Variants in APP observed in about 807,000 individuals in gnomAD.
The protein encoded by APP is amyloid-beta precursor protein.
A neutral mutation model predicts 101.4 loss-of-function variants in APP; 31 were observed. The ratio of observed to expected loss-of-function variants is 0.31; its 90% CI spans 0.23 to 0.41. The LOEUF (loss-of-function observed/expected upper bound fraction) is 0.41. Ranked by LOEUF, APP falls within the 10% of genes least tolerant of loss-of-function variation. The probability of loss-of-function intolerance (pLI) is 1.00; values close to 1 mark genes in which losing one functional copy is unlikely to be tolerated. For missense variants in APP, 839 were observed against 1,003.7 expected, an observed-to-expected ratio of 0.84 and a Z score of 2.22; for synonymous variants, 366 against 364.4, an observed-to-expected ratio of 1.00 and a Z score of -0.05.
At chr21:26,107,682 T>A (rs1248942227) in intron 2 of APP, among the ~76,000 whole-genome samples, 1 of 152,198 alleles carries the variant, frequency 6.6e-6, no homozygotes, top group African/African-American at 2.4e-5. Context: ...TGTCACTGAG[T>A]GGGTAAAATG....
chr21:26,059,308 C>T (rs575978838), intron 3 of APP, among the ~76,000 whole-genome samples: 1 of 152,232 alleles, frequency 6.6e-6, no homozygotes, highest in South Asian at 2.1e-4. Context: ...GCCAAAAATG[C>T]CTGAGGTCTT....
At position 25,917,726 on chromosome 21, in the gene APP, T is replaced by A. The variant is rs566809988; in HGVS notation, c.1688-5764A>T. On this transcript the variant is annotated intron_variant, in intron 13 of 17. Transcript: ENST00000346798. Reference sequence around the variant, plus strand: ...ATAAAGGAGGTGCCACTCAGCCTTTTCCCTGTAAAGTCTGGCTGTTAAAGC... The same window carrying A: ...ATAAAGGAGGTGCCACTCAGCCTTTACCCTGTAAAGTCTGGCTGTTAAAGC... Among the ~76,000 whole-genome samples, 25 of 152,278 alleles carry A rather than the reference T, an allele frequency of 1.6e-4. No individual in the cohort carries two copies. In the South Asian group the frequency reaches 5.2e-3, roughly 32 times the overall value.
chr21:26,159,064 G>A (rs887056604), intron 1 of APP, among the ~76,000 whole-genome samples: 5 of 152,060 alleles, frequency 3.3e-5, no homozygotes, highest in Admixed American at 2.0e-4. Context: ...AATTCAAAAT[G>A]AGAGAAACAA....
chr21:26,008,028 T>C (rs1159348596), intron 6 of APP, among the ~76,000 whole-genome samples: 1 of 150,810 alleles, frequency 6.6e-6, no homozygotes, highest in Non-Finnish European at 1.5e-5. Context: ...TGCAAACAGC[T>C]GTGCATGCTA....
chr21:25,909,699 C>G (rs769582857), intron 14 of APP, among the ~76,000 whole-genome samples: 1 of 152,142 alleles, frequency 6.6e-6, no homozygotes, highest in Non-Finnish European at 1.5e-5. Flanking sequence ...AAAATGAGAT[C>G]GGACATTTTT....
chr21:26,165,076 T>G (rs1405510670), intron 1 of APP, among the ~76,000 whole-genome samples: 1 of 152,210 alleles, frequency 6.6e-6, no homozygotes, highest in African/African-American at 2.4e-5. Context: ...ATTCTAAAAA[T>G]TGTATCTGAG....
intron 2 of APP, among the ~76,000 whole-genome samples, chr21:26,090,843 T>C (rs548084636): frequency 6.6e-6 from 1 of 152,212 alleles, no homozygotes; most frequent in Non-Finnish European, 1.5e-5. Context: ...AAATAACTTA[T>C]CGAAAAGTTA....
intron 13 of APP, among the ~76,000 whole-genome samples, chr21:25,950,313 A>G (rs1254395845): frequency 1.3e-5 from 2 of 151,652 alleles, no homozygotes; most frequent in African/African-American, 2.4e-5. Context: ...GGACTTGGGC[A>G]TTTTACTTGA....
intron 1 of APP, among the ~76,000 whole-genome samples, chr21:26,122,721 A>G (rs1311084909): frequency 3.4e-5 from 5 of 146,908 alleles, no homozygotes; most frequent in Non-Finnish European, 6.2e-5. Flanking sequence ...TTTTAATAAA[A>G]TTTTTTATTA....
At chr21:26,061,288 T>C (rs941397369) in intron 3 of APP, among the ~76,000 whole-genome samples, 14 of 152,010 alleles carry the variant, frequency 9.2e-5, no homozygotes, top group African/African-American at 3.4e-4. Context: ...TGTAGATGTG[T>C]AGACAGGTAG....
intron 2 of APP, among the ~76,000 whole-genome samples, chr21:26,095,637 TG>T: frequency 6.6e-6 from 1 of 152,316 alleles, no homozygotes; most frequent in African/African-American, 2.4e-5. Context: ...GGGCATTCAC[TG>T]GGGGTCTTGG....
intron 3 of APP, among the ~76,000 whole-genome samples, chr21:26,074,521 C>A: frequency 6.6e-6 from 1 of 152,186 alleles, no homozygotes. Flanking sequence ...TAGGCCGAGG[C>A]GGGCAGATCT....
chr21:25,929,919 C>T (rs1601435409), intron 13 of APP, among the ~76,000 whole-genome samples: 1 of 152,150 alleles, frequency 6.6e-6, no homozygotes, highest in South Asian at 2.1e-4. Flanking sequence ...GAGCTCTGAA[C>T]CCACTAAGAG....
intron 1 of APP, among the ~76,000 whole-genome samples, chr21:26,161,128 T>C (rs2063483455): frequency 6.6e-6 from 1 of 152,210 alleles, no homozygotes; most frequent in African/African-American, 2.4e-5. Flanking sequence ...ACATACAAAA[T>C]GTAAGGCATT....
intron 6 of APP, among the ~76,000 whole-genome samples, chr21:26,019,346 T>A (rs924383155): frequency 6.6e-6 from 1 of 152,204 alleles, no homozygotes; most frequent in Non-Finnish European, 1.5e-5. Context: ...ACATTTGTTT[T>A]GCTAGTCCTG....
intron 3 of APP, among the ~76,000 whole-genome samples, chr21:26,056,220 CA>C (rs1601342921): frequency 6.6e-6 from 1 of 152,010 alleles, no homozygotes; most frequent in Non-Finnish European, 1.5e-5. Context: ...TCACTTTTTG[CA>C]GAGACAGGGT....
chr21:25,934,890 C>G (rs1292248715), intron 13 of APP: 1 of 152,300 alleles, frequency 6.6e-6, no homozygotes, highest in Non-Finnish European at 1.5e-5. Flanking sequence ...CTCTGTTCCT[C>G]TTCCAATGCC....
At chr21:26,035,627 T>C (rs1015046689) in intron 5 of APP, among the ~76,000 whole-genome samples, 1 of 152,188 alleles carries the variant, frequency 6.6e-6, no homozygotes, top group Non-Finnish European at 1.5e-5. Context: ...TTTAAGCGTA[T>C]TGGTAAGCCA....
intron 6 of APP, among the ~76,000 whole-genome samples, chr21:26,008,607 G>C (rs117127021): frequency 0.022 from 3,384 of 152,222 alleles, 59 homozygotes; most frequent in Non-Finnish European, 0.035. Context: ...GCTACTAATG[G>C]CTATGGCTTA....
Sources: allele counts gnomAD v4.1 joint callset (sites outside exome capture counted in the v4.1 genomes callset), GRCh38; gene constraint gnomAD v4.1.1; transcripts MANE v1.5; gene names NCBI Gene and HGNC (gene_info 2026-07-23, HGNC 2026-07-21).